Variants in GOLM1 observed in about 807,000 individuals in gnomAD.
GOLM1 encodes golgi membrane protein 1.
A neutral mutation model predicts 50.5 loss-of-function variants in GOLM1; 31 were observed. That is an observed-to-expected ratio of 0.61 (90% CI 0.46 to 0.83). GOLM1 has a LOEUF of 0.83. Among genes scored for constraint, GOLM1 ranks in the 40% least tolerant of loss-of-function variants. The pLI, the probability that GOLM1 is intolerant of heterozygous loss-of-function variation, is 0.00. For missense variants in GOLM1, 491 were observed against 501.3 expected (o/e 0.98, Z 0.20); for synonymous variants, 178 against 192.8 (o/e 0.92, Z 0.64).
In GOLM1 at chr9:86,027,649, G is replaced by C; in HGVS notation, c.*168C>G. ...AGTACCCCCCAAAAGCTGTTTAAAA[G>C]ACCATTCCATTTTTTCCTACACAAA... On this transcript the variant is annotated 3_prime_UTR_variant, in exon 10 of 10. Transcript: ENST00000388712. 7.1e-7 allele frequency: 1 copy of C among 1,398,932 alleles called. No individual in the cohort carries two copies. The highest frequency in any genetic ancestry group is 9.3e-7 in the Non-Finnish European group (1 of 1,080,276). The allele number at this position is 1,398,932 out of a possible 1,614,324, so 86.7% of individuals were successfully genotyped here.
intron 3 of GOLM1, among the ~76,000 whole-genome samples, chr9:86,058,916 T>C (rs1487705960): frequency 6.6e-6 from 1 of 152,112 alleles, no homozygotes; most frequent in Non-Finnish European, 1.5e-5. Context: ...GAGAATCGCT[T>C]GAATCCAGGA....
At chr9:86,086,344 T>C (rs184974230) in intron 1 of GOLM1, among the ~76,000 whole-genome samples, 4 of 152,324 alleles carry the variant, frequency 2.6e-5, no homozygotes, top group Admixed American at 6.5e-5. Context: ...TTAAGTTCTT[T>C]GTAGAGTCTG....
chr9:86,087,107 T>C (rs979133365), intron 1 of GOLM1, among the ~76,000 whole-genome samples: 61 of 152,238 alleles, frequency 4.0e-4, no homozygotes, highest in Non-Finnish European at 7.3e-4. Context: ...CTCCATTTGT[T>C]CGTGTCCTCT....
chr9:86,049,796 A>G (rs1833678231), intron 4 of GOLM1, among the ~76,000 whole-genome samples: 4 of 152,222 alleles, frequency 2.6e-5, no homozygotes, highest in South Asian at 2.1e-4. Context: ...TAAACATACA[A>G]TCATGTCATC....
Position 86,026,688 on chromosome 9 carries a change from A to G in GOLM1, c.*1129T>C, listed in dbSNP as rs564661069. 1.5e-3 allele frequency: 1,425 copies of G among 982,498 alleles called. 2 individuals carry two copies. The highest frequency in any genetic ancestry group is 1.6e-3 in the Non-Finnish European group (1,362 of 827,306). 60.9% of individuals were successfully genotyped at this position (982,498 alleles called of 1,614,324 possible). A position where few individuals can be genotyped will look rare whatever the true frequency, so the allele number is the denominator to read the frequency against. On this transcript the variant is annotated 3_prime_UTR_variant, in exon 10 of 10. Transcript: ENST00000388712. ...AAGTGGTAAGAGCCTATTTACCATA[A>G]ATAATACTAAGAACCAACTCAAGTC...
intron 1 of GOLM1, among the ~76,000 whole-genome samples, chr9:86,080,822 G>A (rs528235425): frequency 6.6e-6 from 1 of 152,260 alleles, no homozygotes; most frequent in South Asian, 2.1e-4. Context: ...ATATCAGCAA[G>A]CACTGAATAT....
intron 9 of GOLM1, 94 bp from the exon 10 acceptor site, chr9:86,027,987 C>A: frequency 1.4e-6 from 1 of 697,008 alleles, no homozygotes; most frequent in Non-Finnish European, 2.4e-6. Context: ...TAGAAACTGT[C>A]ATAAAGAGGA....
At position 86,052,517 on chromosome 9, in the gene GOLM1, G is replaced by A. The variant is rs1280720737; in HGVS notation, c.364+20C>T. ...TCCTCAAAGGCCAGTGCCTGGTGTG[G>A]AGGAGCGAGCGGAACTTACCTTGCA... On this transcript the variant is annotated intron_variant, in intron 4 of 9. Transcript: ENST00000388712. The A allele has an allele frequency of 6.2e-7, 1 of 1,611,606 alleles. No homozygotes were observed. Among genetic ancestry groups the A allele is most frequent in the Non-Finnish European group, 8.5e-7 (1 of 1,177,840 alleles).
At chr9:86,053,681 T>TCCAAA (rs1833886311) in intron 3 of GOLM1, among the ~76,000 whole-genome samples, 2 of 17,744 alleles carry the variant, frequency 1.1e-4, no homozygotes, top group African/African-American at 3.6e-4. Flanking sequence ...GGCACACCAC[T>TCCAAA]CCACACACAC....
intron 9 of GOLM1, among the ~76,000 whole-genome samples, chr9:86,028,751 G>C (rs192750799): frequency 2.0e-5 from 3 of 151,962 alleles, no homozygotes; most frequent in Admixed American, 1.3e-4. Flanking sequence ...CAACCTGTCC[G>C]TCCGCATGCT....
rs138248690 is a variant in GOLM1 at position 86,026,243 on chromosome 9, T to TATC, written c.*1571_*1573dup. On this transcript the variant is annotated 3_prime_UTR_variant, in exon 10 of 10. Coordinates refer to ENST00000388712, the MANE Select transcript of GOLM1 (RefSeq NM_016548.4). ...TATTGAGAAAGCAAGAGAAAATTCC[T>TATC]ATCAACCCCAAGGAGGACTCAAAGT... 1.8e-3 allele frequency: 1,774 copies of TATC among 984,770 alleles called. 31 individuals carry two copies. In the African/African-American group the frequency reaches 0.029, roughly 16 times the overall value. 61.0% of individuals were successfully genotyped at this position (984,770 alleles called of 1,614,324 possible). A position where few individuals can be genotyped will look rare whatever the true frequency, so the allele number is the denominator to read the frequency against.
At chr9:86,069,821 C>A (rs1834397469) in intron 3 of GOLM1, among the ~76,000 whole-genome samples, 1 of 152,218 alleles carries the variant, frequency 6.6e-6, no homozygotes, top group Non-Finnish European at 1.5e-5. Flanking sequence ...CCTCTGACTG[C>A]ACTGAAATGC....
At chr9:86,079,576 C>G (rs1834726608) in intron 1 of GOLM1, 1 of 357,674 alleles carries the variant, frequency 2.8e-6, no homozygotes, top group Non-Finnish European at 5.0e-6. Context: ...CTCGGAGGAG[C>G]AGGCACCGCC....
Position 86,077,601 on chromosome 9 carries a change from G to C in GOLM1, c.130-10C>G, listed in dbSNP as rs755598790. ...GCTCCATGATCCGTGTCTACAAGGA[G>C]ACCGTGGCATTAGGGCTGATGCCAA... On this transcript the variant is annotated splice_polypyrimidine_tract_variant and intron_variant, in intron 2 of 9. Transcript: ENST00000388712. 2 of 1,609,750 alleles carry C rather than the reference G, an allele frequency of 1.2e-6. No individual in the cohort carries two copies. Among genetic ancestry groups the C allele is most frequent in the Non-Finnish European group, 1.7e-6 (2 of 1,176,770 alleles).
chr9:86,039,955 G>A (rs865796211), intron 6 of GOLM1, among the ~76,000 whole-genome samples: 27 of 146,748 alleles, frequency 1.8e-4, no homozygotes, highest in African/African-American at 4.8e-4. Context: ...GTGAGAGAGC[G>A]AGATGCCCTC....
chr9:86,035,889 A>AAAC (rs1833124677), intron 7 of GOLM1, among the ~76,000 whole-genome samples: 1 of 150,384 alleles, frequency 6.6e-6, no homozygotes, highest in South Asian at 2.1e-4. Context: ...AAAACAAAAA[A>AAAC]AAAAAAACAC....
chr9:86,086,463 TTAACTAGATCCCATTTG>T (rs1834966687), intron 1 of GOLM1, among the ~76,000 whole-genome samples: 1 of 151,800 alleles, frequency 6.6e-6, no homozygotes, highest in East Asian at 1.9e-4. Flanking sequence ...GCTCGTTAGC[TTAACTAGATCCCATTTG>T]TCTATTTTGG....
At chr9:86,090,331 T>C (rs1488240012) in intron 1 of GOLM1, among the ~76,000 whole-genome samples, 3 of 152,174 alleles carry the variant, frequency 2.0e-5, no homozygotes, top group Non-Finnish European at 4.4e-5. Context: ...TTAAGTCTGC[T>C]GAAGCTGTGC....
intron 1 of GOLM1, among the ~76,000 whole-genome samples, chr9:86,097,806 C>CAT (rs995007748): frequency 2.6e-5 from 4 of 152,064 alleles, no homozygotes; most frequent in African/African-American, 4.8e-5. Context: ...GGAAGGTGGC[C>CAT]ATATATATAT....
Sources: allele counts gnomAD v4.1 joint callset (sites outside exome capture counted in the v4.1 genomes callset), GRCh38; gene constraint gnomAD v4.1.1; transcripts MANE v1.5; gene names NCBI Gene and HGNC (gene_info 2026-07-23, HGNC 2026-07-21).